Variants in NDC1 observed in about 807,000 individuals in gnomAD.
The protein encoded by NDC1 is nucleoporin NDC1.
Under a neutral mutation model 89.8 loss-of-function variants are expected in NDC1, and 24 were observed. The observed-to-expected ratio is 0.27, with a 90% confidence interval of 0.19 to 0.38. NDC1 has a LOEUF of 0.38. Among genes scored for constraint, NDC1 ranks in the 10% least tolerant of loss-of-function variants. The pLI is 1.00. For missense variants in NDC1, 728 were observed against 797.6 expected (o/e 0.91, Z 1.05); for synonymous variants, 296 against 284.8 (o/e 1.04, Z -0.39).
At chr1:53,830,250 T>TC (rs1649010710) in intron 3 of NDC1, among the ~76,000 whole-genome samples, 1 of 151,938 alleles carries the variant, frequency 6.6e-6, no homozygotes, top group African/African-American at 2.4e-5. Context: ...GGTCGGGAGT[T>TC]CGAGACCAGC....
At chr1:53,777,723 T>C (rs1281307796) in intron 16 of NDC1, among the ~76,000 whole-genome samples, 1 of 152,168 alleles carries the variant, frequency 6.6e-6, no homozygotes, top group Non-Finnish European at 1.5e-5. Flanking sequence ...TGCAACCTTA[T>C]TTTTTCTTTT....
At chr1:53,827,282 A>C (rs1464882272) in intron 4 of NDC1, among the ~76,000 whole-genome samples, 1 of 151,572 alleles carries the variant, frequency 6.6e-6, no homozygotes, top group Admixed American at 6.6e-5. Context: ...AAAAAAAAAA[A>C]AAAAACAAGG....
At chr1:53,814,664 G>C (rs1447639055) in intron 6 of NDC1, among the ~76,000 whole-genome samples, 1 of 152,130 alleles carries the variant, frequency 6.6e-6, no homozygotes, top group Admixed American at 6.5e-5. Context: ...GAAACAAAAA[G>C]CTGGTTCTTT....
Position 53,793,295 on chromosome 1 carries a change from G to T in NDC1, c.1585-16C>A. ...AATTCTTAATCTGAGTTGGAAAAAA[G>T]GAAGAATTAACACATTTACCTTTTA... On this transcript the variant is annotated splice_polypyrimidine_tract_variant and intron_variant, in intron 13 of 17. Coordinates refer to ENST00000371429, the MANE Select transcript of NDC1 (RefSeq NM_018087.5). 2 of 1,590,978 alleles carry T rather than the reference G, an allele frequency of 1.3e-6. No individual in the cohort carries two copies. The highest frequency in any genetic ancestry group is 1.7e-6 in the Non-Finnish European group (2 of 1,159,126).
Position 53,821,100 on chromosome 1 carries a change from A to G in NDC1, c.595-2021T>C, listed in dbSNP as rs151190111. 3.0e-4 allele frequency among the ~76,000 whole-genome samples: 46 copies of G among 152,228 alleles called. 1 individual carries two copies. Among genetic ancestry groups the G allele is most frequent in the African/African-American group, 1.1e-3 (45 of 41,552 alleles). Reference sequence around the variant, plus strand: ...AATAATTATAGTATTCAGAAACTATATCTTCATATTATGAATGGAGATGCC... The same window carrying G: ...AATAATTATAGTATTCAGAAACTATGTCTTCATATTATGAATGGAGATGCC... On this transcript the variant is annotated intron_variant, in intron 5 of 17. Transcript: ENST00000371429.
In NDC1 at chr1:53,796,953, G is replaced by A. The variant is rs1242479138; in HGVS notation, c.1414C>T (p.Pro472Ser). 1.2e-6 allele frequency: 2 copies of A among 1,614,046 alleles called. No individual in the cohort carries two copies. The highest frequency in any genetic ancestry group is 2.7e-5 in the African/African-American group (2 of 74,906). Reference sequence around the variant, plus strand: ...CTTCTTATTAGCTGAGGACTTTGCGGTGACCCATAGCAGGTGTTTACATCA... The same window carrying A: ...CTTCTTATTAGCTGAGGACTTTGCGATGACCCATAGCAGGTGTTTACATCA... ...IFDVNTCYGS[P>S]QSPQLIRRGP... is the part of the protein sequence containing the mutation. Residue 472 changes from proline to serine, a missense_variant, in exon 12 of 18, where the codon CCG becomes TCG. Physicochemically the swap from Pro to Ser is moderately conservative, Grantham distance 74. Coordinates refer to ENST00000371429, the MANE Select transcript of NDC1 (RefSeq NM_018087.5).
chr1:53,806,444 T>C lies in NDC1; in HGVS notation c.965A>G (p.Asn322Ser), dbSNP rs931087415. The C allele has an allele frequency of 9.7e-6, 15 of 1,542,296 alleles. No homozygotes were observed. The highest frequency in any genetic ancestry group is 1.2e-5 in the Non-Finnish European group (14 of 1,152,472). Residue 322 changes from asparagine to serine, a missense_variant, in exon 9 of 18, where the codon AAT becomes AGT. Asn to Ser is a conservative substitution (Grantham distance 46). Transcript: ENST00000371429. Reference sequence around the variant, plus strand: ...GGATACCTTTATGATGGGGGGAGGATTGCTATTTAACACTTTTGGAAGGCA... The same window carrying C: ...GGATACCTTTATGATGGGGGGAGGACTGCTATTTAACACTTTTGGAAGGCA... ...DECLPKVLNS[N>S]PPPIIKYLAL...
chr1:53,791,793 A>G (rs959087163), intron 14 of NDC1, among the ~76,000 whole-genome samples: 2 of 152,206 alleles, frequency 1.3e-5, no homozygotes, highest in African/African-American at 4.8e-5. Context: ...GGCTAACTAT[A>G]TGACTCCTCT....
intron 16 of NDC1, among the ~76,000 whole-genome samples, chr1:53,775,022 C>T (rs1320124901): frequency 6.6e-6 from 1 of 152,124 alleles, no homozygotes; most frequent in Admixed American, 6.5e-5. Context: ...CCTTTGAATG[C>T]AACTAGCTGT....
chr1:53,834,346 T>A (rs1649161300), intron 2 of NDC1, among the ~76,000 whole-genome samples: 1 of 152,206 alleles, frequency 6.6e-6, no homozygotes, highest in Non-Finnish European at 1.5e-5. Flanking sequence ...ACAGGTAAGG[T>A]GGCTATAGAA....
At chr1:53,775,698 G>A (rs190021939) in intron 16 of NDC1, among the ~76,000 whole-genome samples, 2 of 151,900 alleles carry the variant, frequency 1.3e-5, no homozygotes, top group African/African-American at 2.4e-5. Flanking sequence ...CTTACAAATT[G>A]TATAAAGCAA....
intron 16 of NDC1, among the ~76,000 whole-genome samples, chr1:53,786,068 G>A (rs960057410): frequency 1.3e-5 from 2 of 152,138 alleles, no homozygotes; most frequent in Non-Finnish European, 2.9e-5. Flanking sequence ...GGGACTACAG[G>A]CTCACACCAC....
intron 10 of NDC1, among the ~76,000 whole-genome samples, chr1:53,801,532 T>C (rs1297985953): frequency 6.6e-6 from 1 of 152,226 alleles, no homozygotes; most frequent in African/African-American, 2.4e-5. Flanking sequence ...TGCTCCATTA[T>C]GCGTTAATAG....
chr1:53,792,236 C>G (rs936099421), intron 14 of NDC1, among the ~76,000 whole-genome samples: 1 of 152,108 alleles, frequency 6.6e-6, no homozygotes, highest in Non-Finnish European at 1.5e-5. Context: ...GCCACCATGC[C>G]CGGCCTTTCC....
chr1:53,828,338 A>G (rs1370008210), intron 3 of NDC1, among the ~76,000 whole-genome samples, 165 bp from the exon 4 acceptor site: 1 of 152,184 alleles, frequency 6.6e-6, no homozygotes, highest in African/African-American at 2.4e-5. Flanking sequence ...ATTCTAAGTT[A>G]AAAAAATTTG....
chr1:53,826,558 GA>G (rs1253680410), intron 4 of NDC1, among the ~76,000 whole-genome samples: 2 of 152,128 alleles, frequency 1.3e-5, no homozygotes, highest in Non-Finnish European at 1.5e-5. Flanking sequence ...AATCTAAGAG[GA>G]TCCCCCTGCT....
intron 11 of NDC1, among the ~76,000 whole-genome samples, chr1:53,799,014 T>C (rs954509737): frequency 2.6e-5 from 4 of 152,196 alleles, no homozygotes; most frequent in African/African-American, 4.8e-5. Context: ...CAATAATGAA[T>C]GCTCCATATT....
intron 13 of NDC1, among the ~76,000 whole-genome samples, chr1:53,795,737 C>T (rs549310925): frequency 6.6e-6 from 1 of 152,318 alleles, no homozygotes; most frequent in East Asian, 1.9e-4. Context: ...GATTACTTAA[C>T]ACCTTAACAC....
chr1:53,771,929 T>A (rs1453430771), intron 17 of NDC1, among the ~76,000 whole-genome samples: 1 of 152,216 alleles, frequency 6.6e-6, no homozygotes, highest in Non-Finnish European at 1.5e-5. Context: ...AGGGATTCAT[T>A]TCTGGAATAC....
Sources: allele counts gnomAD v4.1 joint callset (sites outside exome capture counted in the v4.1 genomes callset), GRCh38; gene constraint gnomAD v4.1.1; transcripts MANE v1.5; gene names NCBI Gene and HGNC (gene_info 2026-07-23, HGNC 2026-07-21).